Variants in KHDRBS3 observed in about 807,000 individuals in gnomAD.
The protein encoded by KHDRBS3 is KH RNA binding domain containing, signal transduction associated 3.
A neutral mutation model predicts 45.6 loss-of-function variants in KHDRBS3; 23 were observed. That is an observed-to-expected ratio of 0.50 (90% CI 0.36 to 0.72). KHDRBS3 has a LOEUF of 0.72. KHDRBS3 is among the 30% of genes least tolerant of loss of function. The pLI is 0.00. For missense variants in KHDRBS3, 352 were observed against 424.8 expected (o/e 0.83, Z 1.51); for synonymous variants, 162 against 156.5 (o/e 1.04, Z -0.26).
intron 1 of KHDRBS3, among the ~76,000 whole-genome samples, chr8:135,485,868 A>ATATATATATATATATATATATATT (rs1563713994): frequency 1.4e-5 from 2 of 141,214 alleles, no homozygotes; most frequent in African/African-American, 2.6e-5. Flanking sequence ...ATATATATAT[A>ATATATATATATATATATATATATT]TTTTATTTTT....
At chr8:135,531,239 A>T in intron 2 of KHDRBS3, among the ~76,000 whole-genome samples, 1 of 152,178 alleles carries the variant, frequency 6.6e-6, no homozygotes, top group Non-Finnish European at 1.5e-5. Context: ...CTTTAGAATT[A>T]TTAACGTCTA....
intron 2 of KHDRBS3, among the ~76,000 whole-genome samples, chr8:135,533,303 G>A (rs1231055826): frequency 2.0e-5 from 3 of 152,096 alleles, no homozygotes; most frequent in Admixed American, 1.3e-4. Context: ...TTTGTGCCTA[G>A]TACAACTCAG....
chr8:135,529,977 G>A (rs961775493), intron 2 of KHDRBS3, among the ~76,000 whole-genome samples: 5 of 151,900 alleles, frequency 3.3e-5, no homozygotes, highest in East Asian at 3.9e-4. Context: ...TGTGAAACCC[G>A]GGAGGTGGAG....
At chr8:135,471,111 T>C (rs1418498656) in intron 1 of KHDRBS3, among the ~76,000 whole-genome samples, 1 of 152,180 alleles carries the variant, frequency 6.6e-6, no homozygotes, top group Admixed American at 6.5e-5. Context: ...TTGATACTCG[T>C]TGTATACTCC....
chr8:135,606,595 G>A (rs1009051629), intron 6 of KHDRBS3, among the ~76,000 whole-genome samples: 6 of 152,050 alleles, frequency 3.9e-5, no homozygotes, highest in African/African-American at 1.4e-4. Context: ...CTTCAGAGCT[G>A]GGGAGTGGGG....
At chr8:135,556,288 C>T (rs1038418162) in intron 4 of KHDRBS3, among the ~76,000 whole-genome samples, 1 of 152,144 alleles carries the variant, frequency 6.6e-6, no homozygotes, top group Non-Finnish European at 1.5e-5. Context: ...ATTTCTAGTT[C>T]TAGATCCTTG....
rs1318301849 is a variant in KHDRBS3, at chr8:135,518,387, G to C, written c.89-2850G>C. Reference sequence around the variant, plus strand: ...ACGGGGGTTTCACCTTGTTAGCCAGGATGGTCTCAATCTCCTGACCTCGTG... The same window carrying C: ...ACGGGGGTTTCACCTTGTTAGCCAGCATGGTCTCAATCTCCTGACCTCGTG... On this transcript the variant is annotated intron_variant, in intron 1 of 8. Coordinates refer to ENST00000355849, the MANE Select transcript of KHDRBS3 (RefSeq NM_006558.3). 2.0e-5 allele frequency among the ~76,000 whole-genome samples: 3 copies of C among 152,164 alleles called. No individual in the cohort carries two copies. In the East Asian group the frequency reaches 5.8e-4, roughly 29 times the overall value.
chr8:135,637,601 C>T (rs946127686), intron 7 of KHDRBS3, among the ~76,000 whole-genome samples: 3 of 152,150 alleles, frequency 2.0e-5, no homozygotes, highest in Non-Finnish European at 2.9e-5. Context: ...ACTACCCCTT[C>T]GCCCACCCCC....
chr8:135,499,589 C>T lies in KHDRBS3; in HGVS notation c.89-21648C>T, dbSNP rs186789216. Among the ~76,000 whole-genome samples, 72 of 152,230 alleles carry T rather than the reference C, an allele frequency of 4.7e-4. 1 individual carries two copies. Among genetic ancestry groups the T allele is most frequent in the Non-Finnish European group, 3.1e-4 (21 of 68,020 alleles). Reference sequence around the variant, plus strand: ...TTTTGGAGATATAAAATCTTAGATACGGGATATAGCCAGCAAGCAGCATTT... The same window carrying T: ...TTTTGGAGATATAAAATCTTAGATATGGGATATAGCCAGCAAGCAGCATTT... On this transcript the variant is annotated intron_variant, in intron 1 of 8. Transcript: ENST00000355849.
intron 2 of KHDRBS3, among the ~76,000 whole-genome samples, chr8:135,525,198 T>A (rs181956631): frequency 6.6e-6 from 1 of 152,308 alleles, no homozygotes; most frequent in East Asian, 1.9e-4. Flanking sequence ...TTAACTTGGT[T>A]GGATTCAGGG....
chr8:135,535,931 C>G lies in KHDRBS3; in HGVS notation c.208-6723C>G, dbSNP rs142087101. Among the ~76,000 whole-genome samples, 48 of 152,244 alleles carry G rather than the reference C, an allele frequency of 3.2e-4. No homozygotes were observed. The East Asian group carries it at 9.1e-3, about 29-fold the overall frequency. On this transcript the variant is annotated intron_variant, in intron 2 of 8. Coordinates refer to ENST00000355849, the MANE Select transcript of KHDRBS3 (RefSeq NM_006558.3). Reference sequence around the variant, plus strand: ...GGAGAAGGACATAGGATAGGTGGCTCTGGGCAGATTTCAGCAATCCCTTAT... The same window carrying G: ...GGAGAAGGACATAGGATAGGTGGCTGTGGGCAGATTTCAGCAATCCCTTAT...
At chr8:135,572,282 A>T (rs6577649) in intron 5 of KHDRBS3, among the ~76,000 whole-genome samples, 4 of 152,298 alleles carry the variant, frequency 2.6e-5, no homozygotes, top group East Asian at 3.9e-4. Flanking sequence ...CAGAGACTTC[A>T]CTGGGTACAA....
At chr8:135,557,394 A>T in intron 4 of KHDRBS3, 54 bp from the exon 5 acceptor site, 1 of 1,151,604 alleles carries the variant, frequency 8.7e-7, no homozygotes, top group Admixed American at 2.4e-5. Flanking sequence ...TGTTCTAAAT[A>T]TTTTTGCATT....
At chr8:135,597,155 C>G (rs1829007446) in intron 6 of KHDRBS3, among the ~76,000 whole-genome samples, 1 of 152,160 alleles carries the variant, frequency 6.6e-6, no homozygotes. Flanking sequence ...AAGACTTGCT[C>G]TCTGATTCAT....
At chr8:135,635,476 C>T (rs188184209) in intron 7 of KHDRBS3, among the ~76,000 whole-genome samples, 2 of 152,288 alleles carry the variant, frequency 1.3e-5, no homozygotes, top group Non-Finnish European at 2.9e-5. Context: ...CTCTGCTTCC[C>T]AGGTTCAAGC....
intron 1 of KHDRBS3, among the ~76,000 whole-genome samples, chr8:135,480,462 A>G (rs1822505353): frequency 1.3e-5 from 2 of 152,292 alleles, no homozygotes; most frequent in South Asian, 4.1e-4. Context: ...TAAATTCAAA[A>G]TGGAATATTT....
chr8:135,586,896 A>T (rs2130944928), intron 6 of KHDRBS3, among the ~76,000 whole-genome samples: 1 of 152,322 alleles, frequency 6.6e-6, no homozygotes, highest in African/African-American at 2.4e-5. Flanking sequence ...TCTATTTTTT[A>T]AAATCCTGCC....
At chr8:135,474,387 C>A (rs906977433) in intron 1 of KHDRBS3, among the ~76,000 whole-genome samples, 1 of 152,192 alleles carries the variant, frequency 6.6e-6, no homozygotes, top group African/African-American at 2.4e-5. Flanking sequence ...GAACCAGATG[C>A]CCAGTGGAAG....
At chr8:135,644,959 CCTT>C in intron 7 of KHDRBS3, 97 bp from the exon 8 acceptor site, 1 of 1,215,800 alleles carries the variant, frequency 8.2e-7, no homozygotes, top group Non-Finnish European at 1.2e-6. Context: ...TCAGTCTTGC[CCTT>C]CATTAGTTGT....
Sources: allele counts gnomAD v4.1 joint callset (sites outside exome capture counted in the v4.1 genomes callset), GRCh38; gene constraint gnomAD v4.1.1; transcripts MANE v1.5; gene names NCBI Gene and HGNC (gene_info 2026-07-23, HGNC 2026-07-21).